Variants in ZXDC observed in about 807,000 individuals in gnomAD.
ZXDC encodes ZXD family zinc finger C.
Under a neutral mutation model 63.6 loss-of-function variants are expected in ZXDC, and 58 were observed. That is an observed-to-expected ratio of 0.91 (90% CI 0.74 to 1.13). The LOEUF is 1.13. ZXDC is among the 50% of genes most tolerant of loss of function. ZXDC has a pLI of 0.00. For synonymous variants in ZXDC, 561 were observed against 496.1 expected (o/e 1.13, Z -1.74); for missense variants, 1,133 against 1,148.9 (o/e 0.99, Z 0.20).
intron 7 of ZXDC, among the ~76,000 whole-genome samples, chr3:126,448,354 G>A (rs1451651977): frequency 1.3e-5 from 2 of 152,208 alleles, no homozygotes; most frequent in Admixed American, 6.5e-5. Flanking sequence ...CTGCTGGCTG[G>A]TGCGCTCAGT....
chr3:126,445,631 G>C (rs1478022021), intron 7 of ZXDC, among the ~76,000 whole-genome samples: 1 of 151,760 alleles, frequency 6.6e-6, no homozygotes, highest in African/African-American at 2.4e-5. Flanking sequence ...GGGAGAACCT[G>C]CCACAGATGA....
At chr3:126,454,064 A>ATATT in intron 7 of ZXDC, 4 of 643,960 alleles carry the variant, frequency 6.2e-6, no homozygotes, top group Non-Finnish European at 7.6e-6. Context: ...ATATATATAT[A>ATATT]TTTTTTTTTT....
In ZXDC at chr3:126,475,589, A is replaced by C; in HGVS notation, c.277T>G (p.Ser93Ala). ...CGGGAGCCAGGCTCGGCCTCCTGTGATCCGGCAGCCTCGGCGGCAGCGCCG... is the reference window on the plus strand; with the variant it reads ...CGGGAGCCAGGCTCGGCCTCCTGTGCTCCGGCAGCCTCGGCGGCAGCGCCG... ...HGGAAAEAAGSQEAEPGSRVN... is the reference protein window; with the variant it reads ...HGGAAAEAAGAQEAEPGSRVN... Residue 93 changes from serine (S) to alanine (A), a missense_variant, in exon 1 of 10, where the codon TCA becomes GCA. Physicochemically the swap from Ser to Ala is moderately conservative, Grantham distance 99. Transcript: ENST00000389709. 3 of 1,462,914 alleles carry C rather than the reference A, an allele frequency of 2.1e-6. No homozygotes were observed. The highest frequency in any genetic ancestry group is 2.7e-6 in the Non-Finnish European group (3 of 1,104,708). 90.6% of individuals were successfully genotyped at this position (1,462,914 alleles called of 1,614,324 possible). A position where few individuals can be genotyped will look rare whatever the true frequency, so the allele number is the denominator to read the frequency against.
intron 5 of ZXDC, among the ~76,000 whole-genome samples, chr3:126,464,643 C>T (rs1934684800): frequency 6.6e-6 from 1 of 152,016 alleles, no homozygotes; most frequent in Non-Finnish European, 1.5e-5. Flanking sequence ...TAACACTGGG[C>T]CTCTGCAGAC....
intron 9 of ZXDC, 134 bp downstream of exon 9, chr3:126,439,498 T>A: frequency 6.8e-7 from 1 of 1,467,634 alleles, no homozygotes. Context: ...CAAGACATCC[T>A]GGCAACCAAC....
intron 2 of ZXDC, 38 bp downstream of exon 2, chr3:126,472,115 T>C (rs1317527080): frequency 6.2e-7 from 1 of 1,608,756 alleles, no homozygotes; most frequent in East Asian, 2.2e-5. Flanking sequence ...TGAAGACAAA[T>C]CTTGGGTCCA....
chr3:126,441,232 C>T (rs750138805), intron 8 of ZXDC: 105 of 985,724 alleles, frequency 1.1e-4, no homozygotes, highest in Non-Finnish European at 1.2e-4. Flanking sequence ...CTGGGAGGGG[C>T]CTGGGCCTGC....
rs1322679240 is a variant in ZXDC, at chr3:126,437,772, G to A, written c.*603C>T. 2.6e-5 allele frequency: 4 copies of A among 152,638 alleles called. No homozygotes were observed. The highest frequency in any genetic ancestry group is 1.9e-4 in the East Asian group (1 of 5,192). 9.5% of individuals were successfully genotyped at this position (152,638 alleles called of 1,614,324 possible). A position where few individuals can be genotyped will look rare whatever the true frequency, so the allele number is the denominator to read the frequency against. On this transcript the variant is annotated 3_prime_UTR_variant, in exon 10 of 10. Coordinates refer to ENST00000389709, the MANE Select transcript of ZXDC (RefSeq NM_025112.5). ...GAATTTAGTCTGGGAAGAGGGCTCC[G>A]TAATAGGCCACTGAGGTCCTCTGTC...
intron 6 of ZXDC, 143 bp from the exon 7 acceptor site, chr3:126,459,880 C>T: frequency 6.5e-7 from 1 of 1,540,196 alleles, no homozygotes; most frequent in Non-Finnish European, 8.7e-7. Context: ...CACAAAGGGC[C>T]AAACGCTACA....
intron 3 of ZXDC, among the ~76,000 whole-genome samples, chr3:126,471,761 T>TA (rs1254827298): frequency 6.6e-6 from 1 of 151,712 alleles, no homozygotes; most frequent in Middle Eastern, 3.4e-3. Context: ...TAGCTTTTTT[T>TA]AAAAAAAGTA....
Position 126,475,790 on chromosome 3 carries a change from G to A in ZXDC, c.76C>T (p.Arg26Ter). Residue 26 changes from arginine (R) to a stop codon, truncating the protein, a stop_gained, in exon 1 of 10, where the codon CGA becomes TGA. Transcript: ENST00000389709. LOFTEE classifies it high-confidence loss of function. ...CTCGCGCCGAGCGGCGCTGGGGCTC[G>A]GCGGAGCGGGCCGGGGCCGCCGCCA... ...QHGGGPGPLR[R>*]APAPLGASPA... 9.0e-7 allele frequency: 1 copy of A among 1,107,336 alleles called. No individual in the cohort carries two copies. The highest frequency in any genetic ancestry group is 1.1e-6 in the Non-Finnish European group (1 of 909,828). 68.6% of individuals were successfully genotyped at this position (1,107,336 alleles called of 1,614,324 possible). A position where few individuals can be genotyped will look rare whatever the true frequency, so the allele number is the denominator to read the frequency against.
intron 7 of ZXDC, chr3:126,453,396 T>G (rs1016059052): frequency 1.3e-5 from 13 of 985,140 alleles, no homozygotes; most frequent in Non-Finnish European, 1.2e-5. Context: ...CTGTCACATT[T>G]AAGCATCAAA....
Position 126,439,618 on chromosome 3 carries a change from T to C in ZXDC, c.2490+14A>G. 1 of 1,551,864 alleles carries C rather than the reference T, an allele frequency of 6.4e-7. No homozygotes were observed. Among genetic ancestry groups the C allele is most frequent in the Non-Finnish European group, 8.7e-7 (1 of 1,147,144 alleles). On this transcript the variant is annotated intron_variant, in intron 9 of 9. Coordinates refer to ENST00000389709, the MANE Select transcript of ZXDC (RefSeq NM_025112.5). ...TCTCAATAAGAAAAACAAAGGGCAG[T>C]AAGGCATCCAGACCTGGAGGACGTA...
At chr3:126,441,305 T>A in intron 8 of ZXDC, 1 of 994,432 alleles carries the variant, frequency 1.0e-6, no homozygotes, top group Non-Finnish European at 1.2e-6. Flanking sequence ...CCCCACCACC[T>A]TCAGCATAGA....
At position 126,454,157 on chromosome 3, in the gene ZXDC, G is replaced by A. The variant is rs1481219563; in HGVS notation, c.2212+5496C>T. 4 of 968,044 alleles carry A rather than the reference G, an allele frequency of 4.1e-6. No individual in the cohort carries two copies. The East Asian group carries it at 3.4e-4, about 83-fold the overall frequency. The allele number at this position is 968,044 out of a possible 1,614,324, so 60.0% of individuals were successfully genotyped here. On this transcript the variant is annotated intron_variant, in intron 7 of 9. Coordinates refer to ENST00000389709, the MANE Select transcript of ZXDC (RefSeq NM_025112.5). ...TAAATATTCAAAGGACATGGAATAGGATCTGTTAAATCAACTTTATTAATC... is the reference window on the plus strand; with the variant it reads ...TAAATATTCAAAGGACATGGAATAGAATCTGTTAAATCAACTTTATTAATC...
At chr3:126,461,175 C>T (rs1036888108) in intron 6 of ZXDC, 18 of 1,005,798 alleles carry the variant, frequency 1.8e-5, no homozygotes, top group East Asian at 2.0e-4. Flanking sequence ...TATGTCTCGA[C>T]TCCTCTTCTA....
chr3:126,472,450 C>T (rs1019874350), intron 1 of ZXDC, 145 bp from the exon 2 acceptor site: 11 of 1,042,560 alleles, frequency 1.1e-5, no homozygotes, highest in Non-Finnish European at 1.5e-5. Flanking sequence ...AAAGGGAAGA[C>T]CATTAATGCT....
chr3:126,459,901 G>A (rs1002720267), intron 6 of ZXDC, 164 bp from the exon 7 acceptor site: 2 of 985,480 alleles, frequency 2.0e-6, no homozygotes, highest in African/African-American at 3.5e-5. Context: ...TCCACTTGTG[G>A]CGAGGGCCGA....
At chr3:126,474,754 C>G (rs779232714) in intron 1 of ZXDC, among the ~76,000 whole-genome samples, 4 of 152,264 alleles carry the variant, frequency 2.6e-5, no homozygotes, top group Non-Finnish European at 5.9e-5. Flanking sequence ...CTGTGGTGAT[C>G]TGCGCTACCT....
Sources: allele counts gnomAD v4.1 joint callset (sites outside exome capture counted in the v4.1 genomes callset), GRCh38; gene constraint gnomAD v4.1.1; transcripts MANE v1.5; gene names NCBI Gene and HGNC (gene_info 2026-07-23, HGNC 2026-07-21).